Variants in BDP1 observed in about 807,000 individuals in gnomAD.
The protein encoded by BDP1 is BDP1 general transcription factor IIIB subunit, also known as transcription factor TFIIIB component B'' homolog.
In BDP1, 169 loss-of-function variants were observed where a neutral mutation model predicts 266.6. The ratio of observed to expected loss-of-function variants is 0.63; its 90% CI spans 0.56 to 0.72. The LOEUF (loss-of-function observed/expected upper bound fraction) is 0.72, where lower values mean the gene tolerates loss of function less well. Among genes scored for constraint, BDP1 ranks in the 30% least tolerant of loss-of-function variants. The probability of loss-of-function intolerance (pLI) is 0.00; values close to 1 mark genes in which losing one functional copy is unlikely to be tolerated. For missense variants in BDP1, 3,015 were observed against 3,053.8 expected, an observed-to-expected ratio of 0.99 and a Z score of 0.30; for synonymous variants, 1,090 against 1,022.4, an observed-to-expected ratio of 1.07 and a Z score of -1.26.
At chr5:71,529,480 C>T (rs1008254812) in intron 25 of BDP1, among the ~76,000 whole-genome samples, 1 of 152,188 alleles carries the variant, frequency 6.6e-6, no homozygotes, top group African/African-American at 2.4e-5. Flanking sequence ...CAGTTGAGGG[C>T]AGGAGTTCAA....
intron 19 of BDP1, among the ~76,000 whole-genome samples, chr5:71,513,820 A>G (rs1386250159): frequency 6.6e-6 from 1 of 151,984 alleles, no homozygotes. Flanking sequence ...CCCAGGTTCA[A>G]GCGATTCTCC....
chr5:71,478,506 T>C (rs185821636), intron 7 of BDP1, among the ~76,000 whole-genome samples: 9 of 152,330 alleles, frequency 5.9e-5, no homozygotes, highest in African/African-American at 1.7e-4. Context: ...TTGAATGATA[T>C]ATTTTGCCAG....
At chr5:71,533,225 G>A (rs984296967) in intron 26 of BDP1, among the ~76,000 whole-genome samples, 2 of 152,062 alleles carry the variant, frequency 1.3e-5, no homozygotes, top group African/African-American at 4.8e-5. Context: ...TATACATAAT[G>A]CTGCTGTAAA....
At chr5:71,463,564 G>A (rs1761704906) in intron 3 of BDP1, among the ~76,000 whole-genome samples, 1 of 152,144 alleles carries the variant, frequency 6.6e-6, no homozygotes, top group Non-Finnish European at 1.5e-5. Flanking sequence ...GCTCATGCCT[G>A]TAATCTCAGT....
At chr5:71,472,324 G>T (rs916860294) in intron 7 of BDP1, among the ~76,000 whole-genome samples, 4 of 152,190 alleles carry the variant, frequency 2.6e-5, no homozygotes, top group Non-Finnish European at 5.9e-5. Flanking sequence ...AGCCGGACGT[G>T]GTGGCGCATG....
chr5:71,472,108 G>A (rs1762283790), intron 7 of BDP1, among the ~76,000 whole-genome samples: 2 of 152,224 alleles, frequency 1.3e-5, no homozygotes, highest in South Asian at 4.1e-4. Flanking sequence ...CAAAAATCAT[G>A]TATATTCTTT....
At chr5:71,467,093 A>G (rs1043084251) in intron 5 of BDP1, among the ~76,000 whole-genome samples, 4 of 152,222 alleles carry the variant, frequency 2.6e-5, no homozygotes, top group Admixed American at 2.6e-4. Context: ...GTTTTATAAT[A>G]CGTAGCCCAA....
chr5:71,502,966 G>T (rs1764345202), intron 15 of BDP1, among the ~76,000 whole-genome samples, 175 bp downstream of exon 15: 1 of 141,590 alleles, frequency 7.1e-6, no homozygotes, highest in Non-Finnish European at 1.5e-5. Flanking sequence ...TTGCCTCACT[G>T]CAACCTCTGC....
At chr5:71,456,123 T>C (rs910029114) in intron 1 of BDP1, 34 bp downstream of exon 1, 3 of 1,577,632 alleles carry the variant, frequency 1.9e-6, no homozygotes, top group South Asian at 1.1e-5. Flanking sequence ...TTTTCATTTG[T>C]CCCGCCTCTC....
rs533118184 is a variant in BDP1 at position 71,522,594 on chromosome 5, G to A, written c.5193+104G>A. ...AAAATACAGTTTTGACTTCTGTACT[G>A]TAACCATTTTCATGAAAAGTGACTT... is the stretch of plus-strand genomic sequence containing the variant. On this transcript the variant is annotated intron_variant, in intron 23 of 38. Transcript: ENST00000358731. The A allele has an allele frequency of 3.3e-5, 39 of 1,185,406 alleles. No individual in the cohort carries two copies. In the African/African-American group the frequency reaches 5.2e-4, roughly 16 times the overall value. The allele number at this position is 1,185,406 out of a possible 1,614,324, so 73.4% of individuals were successfully genotyped here.
At position 71,567,272 on chromosome 5, in the gene BDP1, TC is replaced by T. The variant is rs2112161436; in HGVS notation, c.*2388del. On this transcript the variant is annotated 3_prime_UTR_variant, in exon 39 of 39. Coordinates refer to ENST00000358731, the MANE Select transcript of BDP1 (RefSeq NM_018429.3). ...TTAGTTTTTAACTTTAACATCTGTT[TC>T]TTTTTAATCTATAATGAGCTAGTTT... 6.6e-6 allele frequency: 1 copy of T among 152,366 alleles called. No individual in the cohort carries two copies. The highest frequency in any genetic ancestry group is 2.4e-5 in the African/African-American group (1 of 41,588). 9.4% of individuals were successfully genotyped at this position (152,366 alleles called of 1,614,324 possible).
chr5:71,527,894 C>T (rs1765989214), intron 25 of BDP1, among the ~76,000 whole-genome samples: 1 of 151,168 alleles, frequency 6.6e-6, no homozygotes, highest in African/African-American at 2.4e-5. Context: ...TCTTGGCTCA[C>T]TGTAACCTCC....
At chr5:71,575,075 T>A in the BDP1 span, among the ~76,000 whole-genome samples, 1 of 152,210 alleles carries the variant, frequency 6.6e-6, no homozygotes, top group South Asian at 2.1e-4. Flanking sequence ...GTCTTGTACT[T>A]TTCAGCCTTA....
rs1169692157 is a variant in BDP1 at position 71,483,923 on chromosome 5, G to GT, written c.1069+28dup. ...TAAGTATTAAGACCTCTTTTACAAA[G>GT]TATTACTTGAAGAGCCTAAAAAATG... On this transcript the variant is annotated intron_variant, in intron 8 of 38. Coordinates refer to ENST00000358731, the MANE Select transcript of BDP1 (RefSeq NM_018429.3). The GT allele has an allele frequency of 1.9e-6, 3 of 1,560,942 alleles. No homozygotes were observed. In the African/African-American group the frequency reaches 4.1e-5, roughly 21 times the overall value.
Position 71,564,964 on chromosome 5 carries a change from A to T in BDP1, c.*79A>T, listed in dbSNP as rs956649080. The T allele has an allele frequency of 1.4e-4, 176 of 1,295,800 alleles. No homozygotes were observed. The highest frequency in any genetic ancestry group is 2.2e-4 in the Admixed American group (9 of 41,304). The allele number at this position is 1,295,800 out of a possible 1,614,324, so 80.3% of individuals were successfully genotyped here. ...ATTACATCAACAAAACAGTATTTAG[A>T]GCAAAATATCACTGTCTTATTTTTC... On this transcript the variant is annotated 3_prime_UTR_variant, in exon 39 of 39. Coordinates refer to ENST00000358731, the MANE Select transcript of BDP1 (RefSeq NM_018429.3).
intron 22 of BDP1, among the ~76,000 whole-genome samples, chr5:71,520,861 T>A (rs1765455397): frequency 6.6e-6 from 1 of 152,168 alleles, no homozygotes. Flanking sequence ...ATTCACTTTT[T>A]AATCAGCAGT....
chr5:71,509,718 G>C lies in BDP1; in HGVS notation c.2626G>C (p.Glu876Gln). The change falls in exon 17 of 39, where the codon GAA becomes CAA. Residue 876 changes from glutamate to glutamine, a missense_variant. Physicochemically the swap from Glu to Gln is conservative, Grantham distance 29 (BLOSUM62 2). Transcript: ENST00000358731. ...NTKEMQSDLK[E>Q]TGRRAISPRE... ...TAAAGAAATGCAGTCAGATTTAAAA[G>C]AAACTGGAAGAAGAGCCATTTCTCC... 1.2e-6 allele frequency: 2 copies of C among 1,613,984 alleles called. No homozygotes were observed. The highest frequency in any genetic ancestry group is 1.7e-6 in the Non-Finnish European group (2 of 1,179,996).
intron 32 of BDP1, chr5:71,545,515 A>G: frequency 2.8e-6 from 1 of 357,198 alleles, no homozygotes; most frequent in South Asian, 3.9e-5. Context: ...TATTTTTAGT[A>G]GAGACGGGAT....
chr5:71,510,395 G>A lies in BDP1; in HGVS notation c.3303G>A (p.Gln1101=). The A allele has an allele frequency of 6.2e-7, 1 of 1,613,986 alleles. No individual in the cohort carries two copies. Among genetic ancestry groups the A allele is most frequent in the Non-Finnish European group, 8.5e-7 (1 of 1,180,002 alleles). The change falls in exon 17 of 39, where the codon CAG becomes CAA. Residue 1101 remains glutamine (Q), a synonymous_variant. Transcript: ENST00000358731. The part of the protein sequence containing the change: ...LEETEREISP[Q]ENGLEEVKPL... ...AAACTGAAAGAGAAATATCCCCACAGGAAAATGGCCTAGAGGAGGTTAAGC... is the reference window on the plus strand; with the variant it reads ...AAACTGAAAGAGAAATATCCCCACAAGAAAATGGCCTAGAGGAGGTTAAGC...
Sources: allele counts gnomAD v4.1 joint callset (sites outside exome capture counted in the v4.1 genomes callset), GRCh38; gene constraint gnomAD v4.1.1; transcripts MANE v1.5; gene names NCBI Gene and HGNC (gene_info 2026-07-23, HGNC 2026-07-21).